GLIS3: variants seen among roughly 807,000 people sequenced by gnomAD.
GLIS3 encodes the protein GLIS family zinc finger 3, also known as zinc finger protein GLIS3.
GLIS3 carries 53 observed loss-of-function variants against 78.6 expected under a neutral mutation model. The ratio of observed to expected loss-of-function variants is 0.67; its 90% CI spans 0.54 to 0.85. The LOEUF (loss-of-function observed/expected upper bound fraction) is 0.85. Ranked by LOEUF, GLIS3 falls within the 40% of genes least tolerant of loss-of-function variation. The pLI is 0.00. For missense variants in GLIS3, 1,703 were observed against 1,231.1 expected (o/e 1.38, Z -5.74); for synonymous variants, 684 against 509.9 (o/e 1.34, Z -4.60).
chr9:4,487,013 T>C, the GLIS3 span, among the ~76,000 whole-genome samples: 31 of 152,224 alleles, frequency 2.0e-4, no homozygotes, highest in Admixed American at 4.6e-4. Flanking sequence ...GTAGACACTT[T>C]GGAAATGCAA....
At chr9:4,131,353 C>G (rs1412374938) in intron 2 of GLIS3, among the ~76,000 whole-genome samples, 5 of 152,010 alleles carry the variant, frequency 3.3e-5, no homozygotes, top group Admixed American at 2.6e-4. Flanking sequence ...TGGGAGGGGT[C>G]AGGGTGATAT....
chr9:4,421,582 A>C, the GLIS3 span, among the ~76,000 whole-genome samples: 1 of 152,206 alleles, frequency 6.6e-6, no homozygotes, highest in Non-Finnish European at 1.5e-5. Flanking sequence ...CCAGAATAAA[A>C]AGGACCTCAC....
At chr9:4,125,630 A>ATAAG (rs1832513833) in intron 3 of GLIS3, 104 bp downstream of exon 3, 13 of 610,400 alleles carry the variant, frequency 2.1e-5, no homozygotes, top group African/African-American at 1.2e-4. Flanking sequence ...GTGTAAGTGT[A>ATAAG]TGAGTGTGTG....
At chr9:4,115,213 ACT>A (rs1831543750) in intron 4 of GLIS3, among the ~76,000 whole-genome samples, 2 of 152,314 alleles carry the variant, frequency 1.3e-5, no homozygotes, top group African/African-American at 4.8e-5. Context: ...AAAATGACTA[ACT>A]CTATCATACA....
chr9:4,179,047 C>T (rs1223893113), intron 2 of GLIS3, among the ~76,000 whole-genome samples: 1 of 152,158 alleles, frequency 6.6e-6, no homozygotes, highest in Non-Finnish European at 1.5e-5. Context: ...TCTGCAATCA[C>T]AAAAAGTCAC....
the GLIS3 span, among the ~76,000 whole-genome samples, chr9:4,444,831 T>G: frequency 4.4e-4 from 67 of 152,306 alleles, 1 homozygote; most frequent in Non-Finnish European, 6.6e-4. Flanking sequence ...GCTTCAAAGA[T>G]TTCATGCTTG....
At chr9:4,313,252 A>C (rs1817391731) in intron 2 of GLIS3, among the ~76,000 whole-genome samples, 1 of 152,170 alleles carries the variant, frequency 6.6e-6, no homozygotes, top group Non-Finnish European at 1.5e-5. Flanking sequence ...CAGCTCCATT[A>C]ACTCTGGCAA....
chr9:4,332,951 G>A (rs1203804857), intron 2 of GLIS3, among the ~76,000 whole-genome samples: 1 of 152,154 alleles, frequency 6.6e-6, no homozygotes, highest in Non-Finnish European at 1.5e-5. Flanking sequence ...CATTAATCTT[G>A]ATTCAATGTT....
chr9:3,834,787 T>C (rs2129998097), intron 9 of GLIS3, among the ~76,000 whole-genome samples: 1 of 152,270 alleles, frequency 6.6e-6, no homozygotes, highest in Non-Finnish European at 1.5e-5. Context: ...TAAAGAATGG[T>C]CCCTCAACTC....
chr9:4,027,900 C>G (rs1263576572), intron 4 of GLIS3, among the ~76,000 whole-genome samples: 2 of 152,160 alleles, frequency 1.3e-5, no homozygotes, highest in Non-Finnish European at 2.9e-5. Context: ...ACCCCCTCAG[C>G]TTTGTCCAGC....
At chr9:4,069,004 C>G (rs1007184121) in intron 4 of GLIS3, among the ~76,000 whole-genome samples, 1 of 151,904 alleles carries the variant, frequency 6.6e-6, no homozygotes, top group Admixed American at 6.6e-5. Context: ...GAACTAAGGC[C>G]CAGAAAAGTA....
intron 2 of GLIS3, among the ~76,000 whole-genome samples, chr9:4,253,872 C>T (rs1824649553): frequency 6.6e-6 from 1 of 152,176 alleles, no homozygotes; most frequent in Non-Finnish European, 1.5e-5. Context: ...AGTTCCCTGA[C>T]CCCTTGCACT....
chr9:4,118,677 G>C lies in GLIS3; in HGVS notation c.801C>G (p.Asn267Lys). The C allele has an allele frequency of 6.2e-7, 1 of 1,614,182 alleles. No individual in the cohort carries two copies. The highest frequency in any genetic ancestry group is 1.1e-5 in the South Asian group (1 of 91,076). Residue 267 changes from asparagine (N) to lysine (K), a missense_variant, in exon 4 of 11, where the codon AAC (asparagine) becomes AAG (lysine). Transcript: ENST00000381971. This position sits in a 1 kb window ranked among gnomAD's most constrained non-coding sequence, Gnocchi z 4.7. ...GTSMSSNSVS[N>K]SLPSYLFGTE... ...TGCCAAAAAGGTAGGATGGTAATGA[G>C]TTAGAGACACTATTGCTGGACATGG...
intron 9 of GLIS3, among the ~76,000 whole-genome samples, chr9:3,836,418 T>C (rs2130015558): frequency 6.6e-6 from 1 of 152,370 alleles, no homozygotes; most frequent in South Asian, 2.1e-4. Context: ...TGGCTGCATA[T>C]GCAGGGACAT....
At chr9:3,953,993 C>A (rs903344570) in intron 4 of GLIS3, among the ~76,000 whole-genome samples, 27 of 151,800 alleles carry the variant, frequency 1.8e-4, no homozygotes, top group African/African-American at 5.3e-4. Flanking sequence ...TCCCTTTTTT[C>A]TCCCCCTCAC....
intron 4 of GLIS3, among the ~76,000 whole-genome samples, chr9:3,967,102 C>T (rs1352588933): frequency 1.4e-5 from 2 of 145,438 alleles, no homozygotes; most frequent in African/African-American, 5.0e-5. Context: ...TCTTCTTGGA[C>T]ATTTAGTAAA....
chr9:4,197,617 C>A (rs1818987295), intron 2 of GLIS3, among the ~76,000 whole-genome samples: 1 of 152,198 alleles, frequency 6.6e-6, no homozygotes, highest in African/African-American at 2.4e-5. Context: ...TGTAGGCAAA[C>A]CTGCCCAGTC....
chr9:4,174,939 G>A (rs977859715), intron 2 of GLIS3, among the ~76,000 whole-genome samples: 6 of 152,242 alleles, frequency 3.9e-5, no homozygotes, highest in African/African-American at 4.8e-5. Context: ...GACTGACGAC[G>A]CTGGAAGTAG....
chr9:4,091,484 T>C (rs1171483706), intron 4 of GLIS3, among the ~76,000 whole-genome samples: 1 of 152,096 alleles, frequency 6.6e-6, no homozygotes, highest in East Asian at 1.9e-4. Flanking sequence ...CACAGATCAC[T>C]TACCATAAGT....
Sources: gnomAD v4.1 joint callset for allele counts (sites outside exome capture counted in the v4.1 genomes callset) on GRCh38, gnomAD v4.1.1 for gene constraint, Gnocchi (gnomAD v3.1) non-coding constraint, MANE v1.5 for transcripts, NCBI Gene and HGNC (gene_info 2026-07-23, HGNC 2026-07-21) for gene names.